The following VPS13B variants were observed in gnomAD, a reference collection of about 807,000 sequenced individuals.
VPS13B encodes the protein intermembrane lipid transfer protein VPS13B.
In VPS13B, 285 loss-of-function variants were observed where a neutral mutation model predicts 426.4. That is an observed-to-expected ratio of 0.67 (90% CI 0.61 to 0.74). The LOEUF (loss-of-function observed/expected upper bound fraction) is 0.74. Among genes scored for constraint, VPS13B ranks in the 30% least tolerant of loss-of-function variants. VPS13B has a pLI of 0.00. For missense variants in VPS13B, 4,537 were observed against 4,782.6 expected (o/e 0.95, Z 1.51); for synonymous variants, 1,676 against 1,676.4 (o/e 1.00, Z 0.01).
At chr8:99,518,794 G>T (rs1822224516) in intron 29 of VPS13B, among the ~76,000 whole-genome samples, 1 of 152,064 alleles carries the variant, frequency 6.6e-6, no homozygotes, top group South Asian at 2.1e-4. Flanking sequence ...TAATATACTG[G>T]AAATACAGCT....
chr8:99,141,038 C>T (rs1323863405), intron 12 of VPS13B, among the ~76,000 whole-genome samples: 1 of 151,860 alleles, frequency 6.6e-6, no homozygotes, highest in Non-Finnish European at 1.5e-5. Flanking sequence ...TTGTAATGTA[C>T]AACAGGAAGA....
chr8:99,855,948 C>G (rs145816439), intron 56 of VPS13B, among the ~76,000 whole-genome samples: 8 of 152,278 alleles, frequency 5.3e-5, no homozygotes, highest in Middle Eastern at 3.4e-3. Context: ...CTTCAGGCAG[C>G]CTTTGCTTTT....
At chr8:99,179,057 A>T in intron 16 of VPS13B, among the ~76,000 whole-genome samples, 1 of 152,206 alleles carries the variant, frequency 6.6e-6, no homozygotes, top group East Asian at 1.9e-4. Flanking sequence ...AGCTTCTTAG[A>T]AGAATCTGTT....
chr8:99,503,026 T>C (rs551300852), intron 27 of VPS13B, 76 bp downstream of exon 27: 1 of 1,138,112 alleles, frequency 8.8e-7, no homozygotes, highest in South Asian at 1.3e-5. Flanking sequence ...TTTTCTATTT[T>C]AATTTGGCTG....
intron 31 of VPS13B, among the ~76,000 whole-genome samples, chr8:99,558,232 G>A (rs1374341160): frequency 6.6e-6 from 1 of 152,002 alleles, no homozygotes; most frequent in Non-Finnish European, 1.5e-5. Context: ...TATACATGAA[G>A]AAACTAAGGC....
chr8:99,199,331 C>A (rs1018310042), intron 17 of VPS13B, among the ~76,000 whole-genome samples: 10 of 152,084 alleles, frequency 6.6e-5, no homozygotes, highest in African/African-American at 1.9e-4. Flanking sequence ...GCCACCACAC[C>A]CGGCTAAGAT....
Position 99,738,250 on chromosome 8 carries a change from A to G in VPS13B, c.7050+17203A>G, listed in dbSNP as rs74307051. ...TCAAAAATGACTAATGATTTCATTA[A>G]TCTTACATACATTTTTAACCCTTTA... On this transcript the variant is annotated intron_variant, in intron 39 of 61. Coordinates refer to ENST00000357162, the MANE Select transcript of VPS13B (RefSeq NM_152564.5). Among the ~76,000 whole-genome samples the G allele has an allele frequency of 1.9e-3, 283 of 152,346 alleles. 5 individuals carry two copies. In the East Asian group the frequency reaches 0.035, roughly 19 times the overall value.
intron 17 of VPS13B, among the ~76,000 whole-genome samples, chr8:99,225,121 T>C (rs1815942374): frequency 6.6e-6 from 1 of 152,196 alleles, no homozygotes; most frequent in African/African-American, 2.4e-5. Context: ...AGTAATCTCT[T>C]TCTCCTGTGT....
chr8:99,090,069 G>A lies in VPS13B; in HGVS notation c.292-6243G>A, dbSNP rs11991093. The stretch of plus-strand genomic sequence containing the variant: ...TGACCTCCCACTCCCATCATAGCCT[G>A]AAGTAGTTTTTCAGGTTAAGTTTGG... On this transcript the variant is annotated intron_variant, in intron 3 of 61. Transcript: ENST00000357162. Among the ~76,000 whole-genome samples the A allele has an allele frequency of 6.7e-3, 1,016 of 152,102 alleles. 10 individuals carry two copies. Among genetic ancestry groups the A allele is most frequent in the African/African-American group, 0.023 (970 of 41,468 alleles).
At chr8:99,225,751 C>G (rs1381735995) in intron 17 of VPS13B, among the ~76,000 whole-genome samples, 3 of 152,120 alleles carry the variant, frequency 2.0e-5, no homozygotes, top group African/African-American at 7.2e-5. Context: ...TCCAAGTTCT[C>G]TCTTGTTGTT....
chr8:99,156,031 T>C (rs1183590646), intron 14 of VPS13B, among the ~76,000 whole-genome samples: 2 of 152,192 alleles, frequency 1.3e-5, no homozygotes, highest in African/African-American at 2.4e-5. Context: ...TAGGACTTTA[T>C]GAGCCCTTAA....
intron 35 of VPS13B, among the ~76,000 whole-genome samples, chr8:99,663,398 A>G (rs931913187): frequency 6.6e-6 from 1 of 152,212 alleles, no homozygotes; most frequent in African/African-American, 2.4e-5. Context: ...ATATGAAGGA[A>G]AGCAAGAAAC....
intron 33 of VPS13B, among the ~76,000 whole-genome samples, chr8:99,615,117 CAAAAAAAAAAA>C (rs747102670): frequency 1.7e-5 from 1 of 58,624 alleles, no homozygotes; most frequent in Non-Finnish European, 3.7e-5. Context: ...AACTCCGTCT[CAAAAAAAAAAA>C]AAAAAAAAAA....
chr8:99,507,941 A>C, intron 28 of VPS13B: 1 of 1,613,886 alleles, frequency 6.2e-7, no homozygotes, highest in Non-Finnish European at 8.5e-7. Context: ...TATGCTACAC[A>C]ACTCCCATTA....
At chr8:99,489,716 G>T (rs957953027) in intron 25 of VPS13B, among the ~76,000 whole-genome samples, 8 of 152,218 alleles carry the variant, frequency 5.3e-5, no homozygotes, top group African/African-American at 1.9e-4. Flanking sequence ...TCTGTTATTG[G>T]TGGATAAGAA....
chr8:99,039,131 C>G (rs1842867297), intron 3 of VPS13B, among the ~76,000 whole-genome samples: 1 of 152,186 alleles, frequency 6.6e-6, no homozygotes. Flanking sequence ...TTACTTACAT[C>G]TACAATGAAA....
At chr8:99,743,553 C>A (rs1016188518) in intron 39 of VPS13B, among the ~76,000 whole-genome samples, 1 of 152,148 alleles carries the variant, frequency 6.6e-6, no homozygotes, top group Non-Finnish European at 1.5e-5. Context: ...GGAGGTATCA[C>A]GCTACCTGAC....
chr8:99,741,196 T>G (rs1169599404), intron 39 of VPS13B, among the ~76,000 whole-genome samples: 2 of 152,048 alleles, frequency 1.3e-5, no homozygotes, highest in African/African-American at 4.8e-5. Context: ...AAAACAGACT[T>G]TAAACCAACA....
intron 3 of VPS13B, among the ~76,000 whole-genome samples, chr8:99,082,650 G>A (rs1845549309): frequency 6.6e-6 from 1 of 152,164 alleles, no homozygotes; most frequent in African/African-American, 2.4e-5. Flanking sequence ...AAGGTGTAAG[G>A]AAGGGATCCA....
Sources: gnomAD v4.1 joint callset for allele counts (sites outside exome capture counted in the v4.1 genomes callset) on GRCh38, gnomAD v4.1.1 for gene constraint, MANE v1.5 for transcripts, NCBI Gene and HGNC (gene_info 2026-07-23, HGNC 2026-07-21) for gene names.